The following DSCAML1 variants were observed in gnomAD, a reference collection of about 807,000 sequenced individuals.
DSCAML1 encodes the protein cell adhesion molecule DSCAML1.
In DSCAML1, 38 loss-of-function variants were observed where a neutral mutation model predicts 200.5. The ratio of observed to expected loss-of-function variants is 0.19; its 90% CI spans 0.15 to 0.25. DSCAML1 has a LOEUF of 0.25. Ranked by LOEUF, DSCAML1 falls within the 10% of genes least tolerant of loss-of-function variation. The pLI is 1.00. For missense variants in DSCAML1, 2,223 were observed against 2,858.8 expected (o/e 0.78, Z 5.07); for synonymous variants, 1,215 against 1,165.0 (o/e 1.04, Z -0.87).
chr11:117,538,200 G>A (rs1591237264), intron 3 of DSCAML1, among the ~76,000 whole-genome samples: 1 of 152,184 alleles, frequency 6.6e-6, no homozygotes, highest in East Asian at 1.9e-4. Context: ...CCCTGGATGA[G>A]ATCAATTTGC....
intron 8 of DSCAML1, among the ~76,000 whole-genome samples, chr11:117,509,512 G>C (rs573309034): frequency 1.3e-5 from 2 of 152,202 alleles, no homozygotes; most frequent in Non-Finnish European, 2.9e-5. Flanking sequence ...TCTGGGGGAT[G>C]GGCAGGTGCG....
At position 117,437,309 on chromosome 11, in the gene DSCAML1, T is replaced by A; in HGVS notation, c.4533A>T (p.Thr1511=). ...TGGGCCGGTACTCCAGAACGATGGC[T>A]GTGATAGGGCAGCCCCCATTGTTCC... is the stretch of plus-strand genomic sequence containing the variant. ...QGWNNGGCPI[T]AIVLEYRPKG... is the part of the protein sequence containing the mutation. Residue 1511 remains threonine (T), a synonymous_variant, in exon 26 of 33, where the codon ACA becomes ACT. Transcript: ENST00000651296. The surrounding 1 kb of genome is among the most constrained non-coding windows in gnomAD (Gnocchi z 5.3). The A allele has an allele frequency of 6.2e-7, 1 of 1,614,242 alleles. No homozygotes were observed. The highest frequency in any genetic ancestry group is 8.5e-7 in the Non-Finnish European group (1 of 1,180,044).
chr11:117,431,815 G>A (rs1263645735), intron 30 of DSCAML1, 87 bp from the exon 31 acceptor site: 16 of 1,338,564 alleles, frequency 1.2e-5, no homozygotes, highest in Non-Finnish European at 1.5e-5. Flanking sequence ...GGGCAGGGGG[G>A]AGCAAGGGAA....
In DSCAML1 at chr11:117,504,784, G is replaced by T; in HGVS notation, c.2182+140C>A. The T allele has an allele frequency of 8.2e-7, 1 of 1,216,102 alleles. No homozygotes were observed. Among genetic ancestry groups the T allele is most frequent in the East Asian group, 2.8e-5 (1 of 36,002 alleles). 75.3% of individuals were successfully genotyped at this position (1,216,102 alleles called of 1,614,324 possible). A position where few individuals can be genotyped will look rare whatever the true frequency, so the allele number is the denominator to read the frequency against. On this transcript the variant is annotated intron_variant, in intron 10 of 32. Transcript: ENST00000651296. The surrounding 1 kb of genome is among the most constrained non-coding windows in gnomAD (Gnocchi z 5.0). ...GATGACTCCAGGTGAGGTGTAGCCT[G>T]GGGTCCACTGGGGTGCAGACCAGAG...
chr11:117,605,020 GTT>G (rs974719118), intron 3 of DSCAML1, among the ~76,000 whole-genome samples: 4 of 152,092 alleles, frequency 2.6e-5, no homozygotes, highest in Admixed American at 2.6e-4. Flanking sequence ...GAATAATATG[GTT>G]CTTTTTTCTA....
At chr11:117,622,162 T>C (rs1281424738) in intron 3 of DSCAML1, among the ~76,000 whole-genome samples, 3 of 151,830 alleles carry the variant, frequency 2.0e-5, no homozygotes, top group Non-Finnish European at 4.4e-5. Flanking sequence ...TAATACCAGA[T>C]TTTTTTTCCC....
At chr11:117,465,402 G>A (rs2048560503) in intron 16 of DSCAML1, among the ~76,000 whole-genome samples, 1 of 152,018 alleles carries the variant, frequency 6.6e-6, no homozygotes, top group South Asian at 2.1e-4. Context: ...CGCTTCCTGC[G>A]CCCCAGCACT....
chr11:117,505,367 G>A lies in DSCAML1; in HGVS notation c.2062+87C>T, dbSNP rs1377452470. ...GCTGGAGCCCACCTTCCATGAGCCC[G>A]TGATTGGAACTGGAAATCTAGAGAC... On this transcript the variant is annotated intron_variant, in intron 9 of 32. Coordinates refer to ENST00000651296, the MANE Select transcript of DSCAML1 (RefSeq NM_020693.4). This position sits in a 1 kb window ranked among gnomAD's most constrained non-coding sequence, Gnocchi z 6.7. 42 of 1,526,872 alleles carry A rather than the reference G, an allele frequency of 2.8e-5. No individual in the cohort carries two copies. The highest frequency in any genetic ancestry group is 3.7e-5 in the Non-Finnish European group (42 of 1,134,476). The allele number at this position is 1,526,872 out of a possible 1,614,324, so 94.6% of individuals were successfully genotyped here.
In DSCAML1 at chr11:117,506,249, C is replaced by T. The variant is rs569337740; in HGVS notation, c.1784-517G>A. Among the ~76,000 whole-genome samples, 3 of 152,326 alleles carry T rather than the reference C, an allele frequency of 2.0e-5. No homozygotes were observed. In the South Asian group the frequency reaches 6.2e-4, roughly 32 times the overall value. On this transcript the variant is annotated intron_variant, in intron 8 of 32. Coordinates refer to ENST00000651296, the MANE Select transcript of DSCAML1 (RefSeq NM_020693.4). ...TCTCCCACAGGGCCCTCAGCCACCTCACCCCTCTTTATTGTCATTGAGTGT... is the reference window on the plus strand; with the variant it reads ...TCTCCCACAGGGCCCTCAGCCACCTTACCCCTCTTTATTGTCATTGAGTGT...
intron 3 of DSCAML1, among the ~76,000 whole-genome samples, chr11:117,768,465 C>G (rs905163488): frequency 6.6e-6 from 1 of 152,210 alleles, no homozygotes; most frequent in Admixed American, 6.5e-5. Context: ...CAGCCCCTAG[C>G]TTACCACCTC....
intron 3 of DSCAML1, among the ~76,000 whole-genome samples, chr11:117,767,599 CAACA>C (rs1466889471): frequency 1.3e-5 from 2 of 152,158 alleles, no homozygotes; most frequent in Admixed American, 6.5e-5. Context: ...CCAAAGCAAA[CAACA>C]AACAAACAAC....
intron 3 of DSCAML1, among the ~76,000 whole-genome samples, chr11:117,775,708 T>C (rs1345392473): frequency 1.3e-5 from 2 of 152,148 alleles, no homozygotes; most frequent in African/African-American, 4.8e-5. Flanking sequence ...GCCCAGGCTC[T>C]ACTCCTGGGA....
chr11:117,700,141 C>A (rs1216012050), intron 3 of DSCAML1, among the ~76,000 whole-genome samples: 2 of 152,152 alleles, frequency 1.3e-5, no homozygotes, highest in Non-Finnish European at 2.9e-5. Context: ...ATTCACGGGG[C>A]CTTGGATGGT....
chr11:117,735,183 A>C (rs2054295496), intron 3 of DSCAML1, among the ~76,000 whole-genome samples: 1 of 152,134 alleles, frequency 6.6e-6, no homozygotes. Flanking sequence ...CCAAGTCCCC[A>C]CTGGAAGGTC....
upstream of DSCAML1, among the ~76,000 whole-genome samples, chr11:117,797,842 C>T (rs928656345): frequency 9.2e-6 from 1 of 109,064 alleles, no homozygotes; most frequent in African/African-American, 4.3e-5. Context: ...TTAATGTCTA[C>T]GCTACCTGTG....
intron 2 of DSCAML1, among the ~76,000 whole-genome samples, chr11:117,778,602 C>T (rs1023828934): frequency 6.6e-6 from 1 of 152,266 alleles, no homozygotes; most frequent in African/African-American, 2.4e-5. Context: ...ATGATAGCTG[C>T]ACCTCTGCGA....
chr11:117,428,546 C>A lies in DSCAML1; in HGVS notation c.5944G>T (p.Gly1982Cys). The A allele has an allele frequency of 6.6e-7, 1 of 1,520,202 alleles. No individual in the cohort carries two copies. Among genetic ancestry groups the A allele is most frequent in the Non-Finnish European group, 8.9e-7 (1 of 1,124,550 alleles). The allele number at this position is 1,520,202 out of a possible 1,614,324, so 94.2% of individuals were successfully genotyped here. A position where few individuals can be genotyped will look rare whatever the true frequency, so the allele number is the denominator to read the frequency against. ...GGGCCGGGGGCTGGGGGGGCTGTGC[C>A]GGCTGGGGGGGCTGGCATGGCCAGA... ...RTLAMPAPPA[G>C]TAPPAPGPTP... The change falls in exon 33 of 33, where the codon GGC becomes TGC. Residue 1982 changes from glycine to cysteine, a missense_variant. Physicochemically the swap from Gly to Cys is radical, Grantham distance 159. Around this residue, in one of 7 missense-constraint regions of DSCAML1, gnomAD observed 280 missense variants for 213.4 expected, o/e 1.31. Coordinates refer to ENST00000651296, the MANE Select transcript of DSCAML1 (RefSeq NM_020693.4).
At chr11:117,785,191 G>A (rs1565284200) in intron 1 of DSCAML1, among the ~76,000 whole-genome samples, 1 of 152,202 alleles carries the variant, frequency 6.6e-6, no homozygotes, top group Non-Finnish European at 1.5e-5. Context: ...CACCTTCCAG[G>A]AGCTTGTAAA....
rs752706168 is a variant in DSCAML1, at chr11:117,482,147, G to A, written c.2375C>T (p.Thr792Ile). Residue 792 changes from threonine to isoleucine, a missense_variant, in exon 12 of 33, where the codon ACT (threonine) becomes ATT (isoleucine). Coordinates refer to ENST00000651296, the MANE Select transcript of DSCAML1 (RefSeq NM_020693.4). ...GGCGATGGTGGTGTTGGGGTGGGAA[G>A]TGATCATGGCCGGGACTGGGGGGCG... ...FLTVKIPAMI[T>I]SHPNTTIAIK... 20 of 1,614,032 alleles carry A rather than the reference G, an allele frequency of 1.2e-5. No individual in the cohort carries two copies. The South Asian group carries it at 1.9e-4, about 15-fold the overall frequency.
Sources: gnomAD v4.1 joint callset for allele counts (sites outside exome capture counted in the v4.1 genomes callset) on GRCh38, gnomAD v4.1.1 for gene constraint, gnomAD v4.1.1 regional missense constraint, Gnocchi (gnomAD v3.1) non-coding constraint, MANE v1.5 for transcripts, NCBI Gene and HGNC (gene_info 2026-07-23, HGNC 2026-07-21) for gene names.